LRP1B: variants seen among roughly 807,000 people sequenced by gnomAD.
LRP1B encodes low-density lipoprotein receptor-related protein 1B.
LRP1B carries 217 observed loss-of-function variants against 556.6 expected under a neutral mutation model. The ratio of observed to expected loss-of-function variants is 0.39; its 90% CI spans 0.35 to 0.44. LRP1B has a LOEUF of 0.44. LRP1B is among the 20% of genes least tolerant of loss of function. The probability of loss-of-function intolerance (pLI) is 1.00; values close to 1 mark genes in which losing one functional copy is unlikely to be tolerated. For synonymous variants in LRP1B, 2,047 were observed against 1,865.8 expected (o/e 1.10, Z -2.50); for missense variants, 5,053 against 5,620.8 (o/e 0.90, Z 3.23).
intron 3 of LRP1B, among the ~76,000 whole-genome samples, chr2:141,451,831 A>G (rs111711405): frequency 6.6e-6 from 1 of 152,222 alleles, no homozygotes; most frequent in African/African-American, 2.4e-5. Context: ...GAAACTACAC[A>G]TAAATAAGTT....
At chr2:140,698,061 G>T (rs929944305) in intron 41 of LRP1B, among the ~76,000 whole-genome samples, 11 of 146,588 alleles carry the variant, frequency 7.5e-5, no homozygotes, top group South Asian at 2.2e-4. Context: ...AAATAAAATG[G>T]TTTTTTTTTT....
At position 141,101,607 on chromosome 2, in the gene LRP1B, T is replaced by C. The variant is rs185646829; in HGVS notation, c.1014-39334A>G. ...TCAGGTGATACTGCTTAATAAATTG[T>C]GTATTTGAATGAATGAGTGAAATAT... On this transcript the variant is annotated intron_variant, in intron 7 of 90. Coordinates refer to ENST00000389484, the MANE Select transcript of LRP1B (RefSeq NM_018557.3). 1.4e-4 allele frequency among the ~76,000 whole-genome samples: 21 copies of C among 152,266 alleles called. 1 individual carries two copies. Among genetic ancestry groups the C allele is most frequent in the East Asian group, 1.4e-3 (7 of 5,182 alleles).
chr2:140,862,460 CATT>C (rs1265738704), intron 27 of LRP1B, among the ~76,000 whole-genome samples: 1 of 152,174 alleles, frequency 6.6e-6, no homozygotes, highest in Non-Finnish European at 1.5e-5. Context: ...CTCAAATATT[CATT>C]ATTATTATTT....
chr2:140,508,555 G>A (rs1479174810), intron 52 of LRP1B, among the ~76,000 whole-genome samples: 1 of 152,136 alleles, frequency 6.6e-6, no homozygotes. Context: ...CTGTATAGAA[G>A]CCACATAGAA....
intron 7 of LRP1B, among the ~76,000 whole-genome samples, chr2:141,149,218 G>A (rs1056554807): frequency 1.3e-5 from 2 of 150,208 alleles, no homozygotes; most frequent in Non-Finnish European, 3.0e-5. Flanking sequence ...TTGTTTTTTT[G>A]GTGGTGGTGG....
At chr2:142,021,531 A>C (rs1029573532) in intron 1 of LRP1B, among the ~76,000 whole-genome samples, 4 of 152,158 alleles carry the variant, frequency 2.6e-5, no homozygotes, top group African/African-American at 9.6e-5. Flanking sequence ...ATATCACAGA[A>C]GAAAAATGAT....
intron 27 of LRP1B, among the ~76,000 whole-genome samples, 159 bp from the exon 28 acceptor site, chr2:140,851,942 A>G (rs913976203): frequency 1.3e-5 from 2 of 152,246 alleles, no homozygotes; most frequent in Non-Finnish European, 1.5e-5. Context: ...ACAATCATAC[A>G]CAGCAATTAC....
intron 3 of LRP1B, among the ~76,000 whole-genome samples, chr2:141,412,146 C>CT (rs146804212): frequency 0.085 from 12,966 of 152,222 alleles, 842 homozygotes; most frequent in Non-Finnish European, 0.12. Flanking sequence ...AAACTATCAG[C>CT]TTTGGCTAAC....
chr2:140,939,198 C>A (rs901458943), intron 20 of LRP1B, among the ~76,000 whole-genome samples: 1 of 151,804 alleles, frequency 6.6e-6, no homozygotes, highest in African/African-American at 2.4e-5. Context: ...CTATGCATTC[C>A]CAGTATCAAA....
At chr2:140,842,562 C>T (rs1692142152) in intron 29 of LRP1B, among the ~76,000 whole-genome samples, 2 of 152,066 alleles carry the variant, frequency 1.3e-5, no homozygotes, top group Admixed American at 1.3e-4. Flanking sequence ...CAATCTTAAA[C>T]TTCACATTTC....
intron 43 of LRP1B, among the ~76,000 whole-genome samples, chr2:140,554,834 GCTT>G (rs1233542145): frequency 3.4e-5 from 5 of 148,412 alleles, no homozygotes; most frequent in Admixed American, 6.8e-5. Flanking sequence ...TGCTGCTGCT[GCTT>G]CTTTTAAAGT....
intron 3 of LRP1B, among the ~76,000 whole-genome samples, chr2:141,471,063 G>A (rs946146757): frequency 2.6e-5 from 4 of 152,092 alleles, no homozygotes; most frequent in Non-Finnish European, 5.9e-5. Context: ...AACATGTAAT[G>A]TGCATCCATT....
In LRP1B at chr2:140,704,013, A is replaced by G. The variant is rs150494762; in HGVS notation, c.6024-1460T>C. On this transcript the variant is annotated intron_variant, in intron 37 of 90. Transcript: ENST00000389484. The stretch of plus-strand genomic sequence containing the variant: ...TATAATGATGCATTTTCCTTTGGGT[A>G]TATGCCCAGTAATGGGATTATTTGA... Among the ~76,000 whole-genome samples the G allele has an allele frequency of 4.0e-3, 611 of 152,264 alleles. 4 individuals are homozygous for G. The highest frequency in any genetic ancestry group is 0.013 in the African/African-American group (534 of 41,568).
At chr2:140,920,800 T>C (rs192497638) in intron 21 of LRP1B, among the ~76,000 whole-genome samples, 13 of 152,120 alleles carry the variant, frequency 8.5e-5, no homozygotes, top group East Asian at 1.9e-4. Context: ...ACAGATTTTT[T>C]TTACATTAAT....
intron 1 of LRP1B, among the ~76,000 whole-genome samples, chr2:141,823,227 C>T (rs979604695): frequency 3.3e-5 from 5 of 151,708 alleles, no homozygotes; most frequent in African/African-American, 1.2e-4. Flanking sequence ...TTCCTTTCTA[C>T]TAAAAAGAAA....
intron 1 of LRP1B, among the ~76,000 whole-genome samples, chr2:141,881,098 T>C (rs554227466): frequency 6.6e-6 from 1 of 152,002 alleles, no homozygotes; most frequent in African/African-American, 2.4e-5. Context: ...GGTAAAAAGG[T>C]TTAAAGAATA....
intron 2 of LRP1B, among the ~76,000 whole-genome samples, chr2:141,600,366 A>T (rs1008552092): frequency 1.3e-5 from 2 of 152,190 alleles, no homozygotes; most frequent in African/African-American, 4.8e-5. Context: ...AAAGTTGAGA[A>T]ACATTGGTCA....
chr2:141,714,748 T>C (rs879326866), intron 2 of LRP1B, among the ~76,000 whole-genome samples: 6 of 152,076 alleles, frequency 3.9e-5, no homozygotes, highest in Non-Finnish European at 4.4e-5. Flanking sequence ...ACAGGCCAAG[T>C]AGGACAGGGT....
intron 1 of LRP1B, among the ~76,000 whole-genome samples, chr2:141,978,375 A>G (rs1701943350): frequency 6.6e-6 from 1 of 152,088 alleles, no homozygotes; most frequent in East Asian, 1.9e-4. Context: ...TTTGGGGTAG[A>G]AGAATATATA....
Sources: allele counts gnomAD v4.1 joint callset (sites outside exome capture counted in the v4.1 genomes callset), GRCh38; gene constraint gnomAD v4.1.1; transcripts MANE v1.5; gene names NCBI Gene and HGNC (gene_info 2026-07-23, HGNC 2026-07-21).